The following GRM1 variants were observed in gnomAD, a reference collection of about 807,000 sequenced individuals.
The protein encoded by GRM1 is glutamate metabotropic receptor 1.
GRM1 carries 33 observed loss-of-function variants against 90.9 expected under a neutral mutation model. That is an observed-to-expected ratio of 0.36 (90% confidence interval 0.28 to 0.49). The LOEUF is 0.49. Ranked by LOEUF, GRM1 falls within the 20% of genes least tolerant of loss-of-function variation. The pLI is 0.99. For synonymous variants in GRM1, 700 were observed against 613.2 expected (o/e 1.14, Z -2.09); for missense variants, 1,190 against 1,534.3 (o/e 0.78, Z 3.75).
intron 2 of GRM1, among the ~76,000 whole-genome samples, chr6:146,188,712 G>A: frequency 6.6e-6 from 1 of 152,136 alleles, no homozygotes. Context: ...CTAGTTTTTT[G>A]ACCATGTAGC....
chr6:146,086,902 G>A (rs1776564517), intron 1 of GRM1, among the ~76,000 whole-genome samples: 1 of 151,948 alleles, frequency 6.6e-6, no homozygotes, highest in Admixed American at 6.6e-5. Flanking sequence ...GAGATAAATG[G>A]CAGCATAAAG....
chr6:146,404,697 T>C (rs1354820088), intron 7 of GRM1, among the ~76,000 whole-genome samples: 3 of 152,188 alleles, frequency 2.0e-5, no homozygotes, highest in Admixed American at 6.5e-5. Context: ...TAGAGAGATG[T>C]AGTGTTGGGC....
At chr6:146,207,362 C>A in intron 2 of GRM1, among the ~76,000 whole-genome samples, 1 of 152,044 alleles carries the variant, frequency 6.6e-6, no homozygotes, top group East Asian at 1.9e-4. Context: ...CTTTTATTTT[C>A]TTGCTTGTTG....
chr6:146,251,548 C>T (rs556959319), intron 2 of GRM1, among the ~76,000 whole-genome samples: 16 of 152,158 alleles, frequency 1.1e-4, no homozygotes, highest in African/African-American at 1.7e-4. Context: ...TCTGGCAGGT[C>T]CTACTTGAAA....
chr6:146,414,026 T>C (rs78787462), intron 7 of GRM1, among the ~76,000 whole-genome samples: 1 of 152,200 alleles, frequency 6.6e-6, no homozygotes, highest in Non-Finnish European at 1.5e-5. Context: ...ATACACAAGA[T>C]TTTATTAACA....
intron 1 of GRM1, among the ~76,000 whole-genome samples, chr6:146,105,928 A>G (rs1777211956): frequency 1.3e-5 from 2 of 152,072 alleles, no homozygotes; most frequent in Non-Finnish European, 2.9e-5. Context: ...TGGGTCTCTC[A>G]CCTCTCAGTC....
At chr6:146,272,285 A>G (rs577797396) in intron 2 of GRM1, among the ~76,000 whole-genome samples, 3 of 152,342 alleles carry the variant, frequency 2.0e-5, no homozygotes, top group African/African-American at 7.2e-5. Context: ...ATAATCTCCT[A>G]ATACTTTAGC....
intron 2 of GRM1, among the ~76,000 whole-genome samples, chr6:146,227,266 G>A (rs1431583558): frequency 6.6e-6 from 1 of 151,900 alleles, no homozygotes; most frequent in Non-Finnish European, 1.5e-5. Context: ...TACACAGAAA[G>A]GCTTCTGCTT....
chr6:146,193,740 A>G (rs1394692193), intron 2 of GRM1, among the ~76,000 whole-genome samples: 14 of 152,000 alleles, frequency 9.2e-5, no homozygotes, highest in Non-Finnish European at 2.1e-4. Flanking sequence ...TCATACGTCT[A>G]GGTTGTTGCT....
At chr6:146,417,626 G>A (rs1436953452) in intron 7 of GRM1, among the ~76,000 whole-genome samples, 7 of 152,136 alleles carry the variant, frequency 4.6e-5, no homozygotes, top group Admixed American at 6.5e-5. Context: ...TAAAATAAAC[G>A]TTAGTGGAAG....
chr6:146,158,429 A>G (rs879623103), intron 1 of GRM1, among the ~76,000 whole-genome samples: 1 of 151,406 alleles, frequency 6.6e-6, no homozygotes, highest in Non-Finnish European at 1.5e-5. Flanking sequence ...TTTGACATCC[A>G]CATTCAGAGG....
chr6:146,169,293 T>C (rs1778017477), intron 2 of GRM1, among the ~76,000 whole-genome samples: 1 of 152,206 alleles, frequency 6.6e-6, no homozygotes, highest in Non-Finnish European at 1.5e-5. Flanking sequence ...TTACTTTCTA[T>C]TTCTTTTCTT....
intron 1 of GRM1, among the ~76,000 whole-genome samples, chr6:146,118,979 T>G (rs1450147104): frequency 6.6e-6 from 1 of 152,230 alleles, no homozygotes; most frequent in African/African-American, 2.4e-5. Context: ...CTGGATCAAA[T>G]GGTATTTCTA....
intron 7 of GRM1, among the ~76,000 whole-genome samples, chr6:146,420,739 A>G (rs1411384686): frequency 6.6e-6 from 1 of 152,212 alleles, no homozygotes; most frequent in Non-Finnish European, 1.5e-5. Flanking sequence ...TTGGTAAATA[A>G]AGGAAAAGAA....
chr6:146,356,473 T>C (rs999413627), intron 4 of GRM1, among the ~76,000 whole-genome samples: 2 of 152,234 alleles, frequency 1.3e-5, no homozygotes, highest in East Asian at 3.9e-4. Flanking sequence ...TCATGAGAAC[T>C]TTGTCCTCAT....
At chr6:146,068,450 A>T (rs1286263939) in intron 1 of GRM1, among the ~76,000 whole-genome samples, 2 of 152,124 alleles carry the variant, frequency 1.3e-5, no homozygotes, top group Non-Finnish European at 2.9e-5. Flanking sequence ...ATTGTGTTAA[A>T]TTATGTCTTT....
At chr6:146,080,971 A>T (rs905049388) in intron 1 of GRM1, among the ~76,000 whole-genome samples, 1 of 152,028 alleles carries the variant, frequency 6.6e-6, no homozygotes, top group African/African-American at 2.4e-5. Flanking sequence ...CCCAAGGGGG[A>T]TGTGGGAATG....
intron 7 of GRM1, among the ~76,000 whole-genome samples, chr6:146,412,952 A>T (rs548715655): frequency 2.6e-5 from 4 of 152,128 alleles, no homozygotes; most frequent in African/African-American, 9.6e-5. Flanking sequence ...ATTTCATCTT[A>T]GTTCTATAAT....
At chr6:146,037,525 T>C (rs540811621) in intron 1 of GRM1, among the ~76,000 whole-genome samples, 1 of 151,980 alleles carries the variant, frequency 6.6e-6, no homozygotes, top group African/African-American at 2.4e-5. Context: ...ACGCCTCTCA[T>C]GTGAGGTCCA....
Sources: allele counts gnomAD v4.1 joint callset (sites outside exome capture counted in the v4.1 genomes callset), GRCh38; gene constraint gnomAD v4.1.1; transcripts MANE v1.5; gene names NCBI Gene and HGNC (gene_info 2026-07-23, HGNC 2026-07-21).